ZNF138: variants seen among roughly 807,000 people sequenced by gnomAD.
ZNF138 encodes zinc finger protein 138 (clone pHZ-32).
ZNF138 carries 33 observed loss-of-function variants against 33.0 expected under a neutral mutation model. That is an observed-to-expected ratio of 1.00 (90% CI 0.76 to 1.34). ZNF138 has a LOEUF of 1.34. ZNF138 is among the 40% of genes most tolerant of loss of function. The pLI, the probability that ZNF138 is intolerant of heterozygous loss-of-function variation, is 0.00. For missense variants in ZNF138, 360 were observed against 370.8 expected (o/e 0.97, Z 0.24); for synonymous variants, 139 against 120.4 (o/e 1.15, Z -1.01).
chr7:64,798,233 G>A (rs760643322), intron 1 of ZNF138, among the ~76,000 whole-genome samples: 51 of 152,206 alleles, frequency 3.4e-4, no homozygotes, highest in South Asian at 8.3e-4. Context: ...GAGCCACCAC[G>A]CTCAGCCCAA....
the ZNF138 span, among the ~76,000 whole-genome samples, chr7:64,839,321 C>T: frequency 3.3e-5 from 5 of 152,108 alleles, no homozygotes; most frequent in East Asian, 1.9e-4. Context: ...GGGTGTTTTG[C>T]GTGATTTTGG....
chr7:64,841,405 T>C, the ZNF138 span, among the ~76,000 whole-genome samples: 3 of 152,218 alleles, frequency 2.0e-5, no homozygotes, highest in African/African-American at 7.2e-5. Context: ...TTTTTTAATA[T>C]ATAAATGTGG....
chr7:64,815,308 G>A (rs1788527779), intron 2 of ZNF138, among the ~76,000 whole-genome samples: 1 of 152,092 alleles, frequency 6.6e-6, no homozygotes, highest in Non-Finnish European at 1.5e-5. Flanking sequence ...TTGGCGTAAA[G>A]TGTTGTTGCC....
intron 1 of ZNF138, among the ~76,000 whole-genome samples, chr7:64,797,570 G>A (rs1786789568): frequency 6.6e-6 from 1 of 152,148 alleles, no homozygotes; most frequent in Non-Finnish European, 1.5e-5. Flanking sequence ...CCCTGCGGAT[G>A]TCGGAGCCTG....
At chr7:64,810,216 G>T (rs1484904096) in intron 1 of ZNF138, among the ~76,000 whole-genome samples, 1 of 149,460 alleles carries the variant, frequency 6.7e-6, no homozygotes, top group East Asian at 2.0e-4. Flanking sequence ...GGCACCTTGG[G>T]AGGCCGAGGC....
Position 64,810,700 on chromosome 7 carries a change from G to C in ZNF138, c.4-4218G>C, listed in dbSNP as rs551565732. 5.3e-5 allele frequency among the ~76,000 whole-genome samples: 8 copies of C among 152,220 alleles called. No individual in the cohort carries two copies. In the South Asian group the frequency reaches 1.7e-3, roughly 32 times the overall value. Reference sequence around the variant, plus strand: ...AAATACCCCAGTGGCATAGAGAGCAGAATTCTACATAGGGTACACTCCCTG... The same window carrying C: ...AAATACCCCAGTGGCATAGAGAGCACAATTCTACATAGGGTACACTCCCTG... On this transcript the variant is annotated intron_variant, in intron 1 of 3. Transcript: ENST00000307355.
At position 64,833,605 on chromosome 7, in the gene ZNF138, G is replaced by A. The variant is rs1790268857; in HGVS notation, c.*1403G>A. On this transcript the variant is annotated 3_prime_UTR_variant, in exon 4 of 4. Coordinates refer to ENST00000307355, the MANE Select transcript of ZNF138 (RefSeq NM_001271639.2). ...AAGAATGTAGAAAAGCCATTAATATGTGCTTACATCTTATTCAACATTAGA... is the reference window on the plus strand; with the variant it reads ...AAGAATGTAGAAAAGCCATTAATATATGCTTACATCTTATTCAACATTAGA... 1 of 152,966 alleles carries A rather than the reference G, an allele frequency of 6.5e-6. No individual in the cohort carries two copies. 9.5% of individuals were successfully genotyped at this position (152,966 alleles called of 1,614,324 possible).
At chr7:64,802,187 C>T (rs888930251) in intron 1 of ZNF138, among the ~76,000 whole-genome samples, 3 of 151,862 alleles carry the variant, frequency 2.0e-5, no homozygotes, top group East Asian at 1.9e-4. Context: ...ACACATTTTC[C>T]GGTTGACAGT....
chr7:64,802,850 C>T (rs1022822626), intron 1 of ZNF138, among the ~76,000 whole-genome samples: 1 of 151,924 alleles, frequency 6.6e-6, no homozygotes, highest in Non-Finnish European at 1.5e-5. Flanking sequence ...ATACAGTCAC[C>T]CCCCTGCCCA....
the ZNF138 span, among the ~76,000 whole-genome samples, chr7:64,853,627 AAAATT>A: frequency 6.6e-6 from 1 of 150,774 alleles, no homozygotes. Flanking sequence ...TTTATTTTAA[AAAATT>A]AAATATATTG....
intron 1 of ZNF138, among the ~76,000 whole-genome samples, chr7:64,795,523 C>G (rs1049705325): frequency 1.3e-5 from 2 of 152,088 alleles, no homozygotes; most frequent in African/African-American, 4.8e-5. Context: ...ACTATTTGTC[C>G]TTTAGTGTAC....
the ZNF138 span, among the ~76,000 whole-genome samples, chr7:64,851,438 A>G: frequency 6.6e-6 from 1 of 152,226 alleles, no homozygotes; most frequent in Non-Finnish European, 1.5e-5. Flanking sequence ...ACAAAAATGT[A>G]CGAGCGCAAA....
At chr7:64,860,233 C>T in the ZNF138 span, among the ~76,000 whole-genome samples, 5,129 of 152,198 alleles carry the variant, frequency 0.034, 294 homozygotes, top group African/African-American at 0.12. Flanking sequence ...TTAAATCAAG[C>T]TAAGTAACAA....
intron 1 of ZNF138, among the ~76,000 whole-genome samples, chr7:64,808,312 G>C (rs1420215906): frequency 6.6e-6 from 1 of 152,160 alleles, no homozygotes; most frequent in Non-Finnish European, 1.5e-5. Context: ...CAAGGAGGTG[G>C]TCTGGAGACC....
chr7:64,797,400 TTGAG>T (rs1227160070), intron 1 of ZNF138, among the ~76,000 whole-genome samples: 1 of 152,212 alleles, frequency 6.6e-6, no homozygotes, highest in East Asian at 1.9e-4. Context: ...AACACTGTGT[TTGAG>T]TAATTTTGCT....
At chr7:64,814,786 A>T (rs7791951) in intron 1 of ZNF138, 132 bp from the exon 2 acceptor site, 2 of 1,148,674 alleles carry the variant, frequency 1.7e-6, no homozygotes, top group Non-Finnish European at 2.4e-6. Context: ...TATTTTATGA[A>T]TAATTTCAGT....
At chr7:64,830,884 G>A in intron 3 of ZNF138, 1 of 1,478,912 alleles carries the variant, frequency 6.8e-7, no homozygotes, top group Admixed American at 2.7e-5. Flanking sequence ...GTTCATTCTT[G>A]TTTCATCTTA....
chr7:64,827,491 G>A (rs953590995), intron 3 of ZNF138, among the ~76,000 whole-genome samples: 4 of 152,014 alleles, frequency 2.6e-5, no homozygotes, highest in Admixed American at 2.0e-4. Flanking sequence ...TGATCCATCC[G>A]CCTCGGCCTC....
At chr7:64,811,925 T>G (rs530408345) in intron 1 of ZNF138, among the ~76,000 whole-genome samples, 30 of 152,332 alleles carry the variant, frequency 2.0e-4, no homozygotes, top group African/African-American at 6.7e-4. Context: ...AAGTGATGTA[T>G]AAACTCATTA....
Sources: allele counts gnomAD v4.1 joint callset (sites outside exome capture counted in the v4.1 genomes callset), GRCh38; gene constraint gnomAD v4.1.1; transcripts MANE v1.5; gene names NCBI Gene and HGNC (gene_info 2026-07-23, HGNC 2026-07-21).